Variants in TAFA1 observed in about 807,000 individuals in gnomAD.
TAFA1 encodes TAFA chemokine like family member 1, also known as chemokine-like protein TAFA-1.
Under a neutral mutation model 18.5 loss-of-function variants are expected in TAFA1, and 4 were observed. The observed-to-expected ratio is 0.22, with a 90% CI of 0.11 to 0.49. The LOEUF (loss-of-function observed/expected upper bound fraction) is 0.49, where lower values mean the gene tolerates loss of function less well. Ranked by LOEUF, TAFA1 falls within the 20% of genes least tolerant of loss-of-function variation. The pLI is 0.98. For synonymous variants in TAFA1, 56 were observed against 55.2 expected, an observed-to-expected ratio of 1.01 and a Z score of -0.06; for missense variants, 147 against 169.0, an observed-to-expected ratio of 0.87 and a Z score of 0.72.
At chr3:68,221,353 C>T (rs2066727686) in intron 2 of TAFA1, among the ~76,000 whole-genome samples, 1 of 152,122 alleles carries the variant, frequency 6.6e-6, no homozygotes, top group Admixed American at 6.6e-5. Context: ...TGCCCCTATT[C>T]CTCCTCTTAT....
chr3:68,108,993 C>A (rs998391215), intron 2 of TAFA1, among the ~76,000 whole-genome samples: 9 of 151,728 alleles, frequency 5.9e-5, no homozygotes, highest in African/African-American at 2.2e-4. Flanking sequence ...TCATTAACTT[C>A]TTCCATGAAA....
Position 68,254,424 on chromosome 3 carries a change from T to C in TAFA1, c.119-162856T>C, listed in dbSNP as rs2067258952. On this transcript the variant is annotated intron_variant, in intron 2 of 4. Coordinates refer to ENST00000478136, the MANE Select transcript of TAFA1 (RefSeq NM_213609.4). ...AATGTCAGCTAATACCTACCTAAAA[T>C]TTAGTGTAATTTCAGAAGACTTTTT... Among the ~76,000 whole-genome samples the C allele has an allele frequency of 3.3e-5, 5 of 152,140 alleles. No homozygotes were observed. In the South Asian group the frequency reaches 1.0e-3, roughly 32 times the overall value.
chr3:68,253,711 T>C (rs2107171252), intron 2 of TAFA1, among the ~76,000 whole-genome samples: 1 of 152,212 alleles, frequency 6.6e-6, no homozygotes, highest in African/African-American at 2.4e-5. Flanking sequence ...TGAATTCTCA[T>C]GGGGAGGATT....
At chr3:68,248,878 G>A (rs982059518) in intron 2 of TAFA1, among the ~76,000 whole-genome samples, 1 of 152,108 alleles carries the variant, frequency 6.6e-6, no homozygotes, top group Non-Finnish European at 1.5e-5. Flanking sequence ...CCAGCCCACA[G>A]CCACTGGACT....
intron 2 of TAFA1, among the ~76,000 whole-genome samples, chr3:68,018,786 A>G (rs538922894): frequency 9.3e-4 from 142 of 152,366 alleles, no homozygotes; most frequent in Admixed American, 1.8e-3. Context: ...AATGTAAAAG[A>G]ATATGTTAAT....
intron 3 of TAFA1, among the ~76,000 whole-genome samples, chr3:68,489,086 A>C (rs1470839792): frequency 6.6e-6 from 1 of 152,226 alleles, no homozygotes; most frequent in Non-Finnish European, 1.5e-5. Context: ...AGCTAATGTC[A>C]CAAGTCACAT....
At chr3:68,471,374 T>C (rs2071994668) in intron 3 of TAFA1, among the ~76,000 whole-genome samples, 1 of 152,002 alleles carries the variant, frequency 6.6e-6, no homozygotes, top group African/African-American at 2.4e-5. Context: ...CCCAAAATGG[T>C]AGATCCACTG....
chr3:68,237,322 C>T (rs1440351963), intron 2 of TAFA1, among the ~76,000 whole-genome samples: 1 of 152,190 alleles, frequency 6.6e-6, no homozygotes, highest in Non-Finnish European at 1.5e-5. Context: ...GAGCTCTCAT[C>T]ACCTAATCAC....
chr3:68,116,415 A>C (rs1390178900), intron 2 of TAFA1, among the ~76,000 whole-genome samples: 5 of 152,230 alleles, frequency 3.3e-5, no homozygotes, highest in African/African-American at 4.8e-5. Context: ...CTTATAATGC[A>C]CATATATGTT....
Position 68,194,766 on chromosome 3 carries a change from T to A in TAFA1, c.118+188022T>A, listed in dbSNP as rs543989798. 4.2e-3 allele frequency among the ~76,000 whole-genome samples: 636 copies of A among 151,796 alleles called. 6 individuals carry two copies. The highest frequency in any genetic ancestry group is 0.021 in the South Asian group (101 of 4,820). ...GGACAAAATACTTCAAAGTATGAAG[T>A]CTTAGTTTCCTTATCTTTAAAATGG... is the stretch of plus-strand genomic sequence containing the variant. On this transcript the variant is annotated intron_variant, in intron 2 of 4. Transcript: ENST00000478136.
intron 3 of TAFA1, among the ~76,000 whole-genome samples, chr3:68,496,166 A>G (rs2072545929): frequency 6.6e-6 from 1 of 152,164 alleles, no homozygotes; most frequent in Non-Finnish European, 1.5e-5. Context: ...AGCGTTAACG[A>G]GAATCAGTTG....
chr3:68,386,262 T>C (rs1047802044), intron 2 of TAFA1, among the ~76,000 whole-genome samples: 5 of 152,184 alleles, frequency 3.3e-5, no homozygotes, highest in African/African-American at 4.8e-5. Flanking sequence ...GTCCTACAAC[T>C]AACAAATGAC....
chr3:68,032,698 T>C (rs1227553171), intron 2 of TAFA1, among the ~76,000 whole-genome samples: 1 of 152,272 alleles, frequency 6.6e-6, no homozygotes, highest in Admixed American at 6.5e-5. Context: ...CCCAGACTCC[T>C]GTGTCTGTTT....
intron 2 of TAFA1, among the ~76,000 whole-genome samples, chr3:68,180,477 T>G (rs2066184759): frequency 6.6e-6 from 1 of 152,172 alleles, no homozygotes; most frequent in African/African-American, 2.4e-5. Flanking sequence ...AGGCAATTTT[T>G]GTTTGATTAG....
chr3:68,167,201 T>A (rs1054263671), intron 2 of TAFA1, among the ~76,000 whole-genome samples: 2 of 152,240 alleles, frequency 1.3e-5, no homozygotes, highest in African/African-American at 4.8e-5. Context: ...GTTTCCTTTA[T>A]GCTCTGAAAA....
At chr3:68,068,858 G>T (rs1052683850) in intron 2 of TAFA1, among the ~76,000 whole-genome samples, 1 of 152,168 alleles carries the variant, frequency 6.6e-6, no homozygotes, top group Non-Finnish European at 1.5e-5. Context: ...CGTATTATGT[G>T]AGAATTTGCG....
At chr3:68,123,107 T>G (rs7638117) in intron 2 of TAFA1, among the ~76,000 whole-genome samples, 79,514 of 151,670 alleles carry the variant, frequency 0.52, 21,820 homozygotes, top group South Asian at 0.64. Context: ...TGTTTCCTCT[T>G]GCCTTAGGAA....
At chr3:68,510,439 T>G (rs908259968) in intron 3 of TAFA1, among the ~76,000 whole-genome samples, 1 of 152,020 alleles carries the variant, frequency 6.6e-6, no homozygotes, top group African/African-American at 2.4e-5. Flanking sequence ...GGAAGCACAA[T>G]GTTAACTCTC....
chr3:68,258,410 G>T (rs1054631190), intron 2 of TAFA1, among the ~76,000 whole-genome samples: 1 of 152,144 alleles, frequency 6.6e-6, no homozygotes, highest in Non-Finnish European at 1.5e-5. Flanking sequence ...AGCATGGCAT[G>T]TTGTTGACCG....
Sources: gnomAD v4.1 joint callset for allele counts (sites outside exome capture counted in the v4.1 genomes callset) on GRCh38, gnomAD v4.1.1 for gene constraint, MANE v1.5 for transcripts, NCBI Gene and HGNC (gene_info 2026-07-23, HGNC 2026-07-21) for gene names.